The following LAMA3 variants were observed in gnomAD, a reference collection of about 807,000 sequenced individuals.
LAMA3 encodes the protein laminin subunit alpha-3.
In LAMA3, 281 loss-of-function variants were observed where a neutral mutation model predicts 402.0. The ratio of observed to expected loss-of-function variants is 0.70; its 90% confidence interval spans 0.63 to 0.77. LAMA3 has a LOEUF of 0.77. LAMA3 is among the 30% of genes least tolerant of loss of function. The pLI, the probability that LAMA3 is intolerant of heterozygous loss-of-function variation, is 0.00. For missense variants in LAMA3, 3,840 were observed against 4,215.5 expected, an observed-to-expected ratio of 0.91 and a Z score of 2.47; for synonymous variants, 1,431 against 1,558.4, an observed-to-expected ratio of 0.92 and a Z score of 1.93.
At chr18:23,721,020 T>C (rs2061202855) in intron 2 of LAMA3, among the ~76,000 whole-genome samples, 1 of 151,992 alleles carries the variant, frequency 6.6e-6, no homozygotes, top group Non-Finnish European at 1.5e-5. Flanking sequence ...TAGCCAGGCA[T>C]GGTGGCACAC....
intron 12 of LAMA3, among the ~76,000 whole-genome samples, chr18:23,809,400 C>G (rs1435091324): frequency 1.3e-5 from 2 of 152,222 alleles, no homozygotes; most frequent in African/African-American, 4.8e-5. Context: ...TTCTGAACTT[C>G]ACCATGTAAT....
chr18:23,861,838 T>A, intron 35 of LAMA3, 31 bp downstream of exon 35: 4 of 1,591,632 alleles, frequency 2.5e-6, no homozygotes, highest in Non-Finnish European at 3.4e-6. Flanking sequence ...TTCTGGGCCC[T>A]CAGTGGGCCT....
At position 23,858,253 on chromosome 18, in the gene LAMA3, T is replaced by C. The variant is rs569274151; in HGVS notation, c.4281+265T>C. On this transcript the variant is annotated intron_variant, in intron 33 of 74. Coordinates refer to ENST00000313654, the MANE Select transcript of LAMA3 (RefSeq NM_198129.4). ...CCAGAAAAATCAGCACAAACTTTTA[T>C]CTACAGTTTCATGAGGTTCATAGGT... is the stretch of plus-strand genomic sequence containing the variant. Among the ~76,000 whole-genome samples the C allele has an allele frequency of 1.3e-5, 2 of 152,312 alleles. 1 individual carries two copies. The highest frequency in any genetic ancestry group is 3.9e-4 in the East Asian group (2 of 5,188).
intron 8 of LAMA3, among the ~76,000 whole-genome samples, chr18:23,764,915 T>C (rs2062045034): frequency 6.6e-6 from 1 of 152,206 alleles, no homozygotes; most frequent in African/African-American, 2.4e-5. Flanking sequence ...CAATTGATTG[T>C]CTTTTCTCTT....
At chr18:23,709,812 G>T in intron 1 of LAMA3, 1 of 653,350 alleles carries the variant, frequency 1.5e-6, no homozygotes, top group Non-Finnish European at 2.9e-6. Context: ...TAGCCAGCCA[G>T]ACTCAGTTTA....
chr18:23,860,261 C>CTTT (rs59852195), intron 34 of LAMA3, among the ~76,000 whole-genome samples: 42 of 112,646 alleles, frequency 3.7e-4, no homozygotes, highest in Non-Finnish European at 4.7e-4. Context: ...CTTTTCTTTT[C>CTTT]TTTTTTTTTT....
At chr18:23,896,260 C>T (rs1300729759) in intron 44 of LAMA3, among the ~76,000 whole-genome samples, 2 of 152,106 alleles carry the variant, frequency 1.3e-5, no homozygotes, top group African/African-American at 2.4e-5. Flanking sequence ...CACTTGAACC[C>T]CAGAGGCAGA....
In LAMA3 at chr18:23,909,188, C is replaced by T. The variant is rs776467789; in HGVS notation, c.7051C>T (p.Arg2351Cys). ...KLTNKLPDLW[R>C]KIESINQQLL... ...AACCAACAAACTACCTGATCTTTGG[C>T]GCAAGATTGAAAGTATCAACCAACA... Residue 2351 changes from arginine to cysteine, a missense_variant, in exon 55 of 75, where the codon CGC (arginine) becomes TGC (cysteine). By Grantham distance (180) the Arg-to-Cys change is radical. Around this residue, in one of 3 missense-constraint regions of LAMA3, gnomAD observed 891 missense variants for 857.5 expected, o/e 1.04. Transcript: ENST00000313654. 1.6e-5 allele frequency: 26 copies of T among 1,613,782 alleles called. No individual in the cohort carries two copies. The highest frequency in any genetic ancestry group is 1.0e-4 in the Admixed American group (6 of 59,992).
rs569928993 is a variant in LAMA3 at position 23,763,750 on chromosome 18, G to A, written c.1182+227G>A. On this transcript the variant is annotated intron_variant, in intron 8 of 74. Transcript: ENST00000313654. ...CCCACACCCCTTTGATCAGTTTCTC[G>A]ATTTAAATTTTGCCTAAATGGAGAG... 2.6e-4 allele frequency among the ~76,000 whole-genome samples: 40 copies of A among 152,210 alleles called. 1 individual carries two copies. The highest frequency in any genetic ancestry group is 1.0e-3 in the South Asian group (5 of 4,810).
intron 67 of LAMA3, among the ~76,000 whole-genome samples, chr18:23,934,239 A>G (rs993784394): frequency 2.6e-5 from 4 of 152,064 alleles, no homozygotes; most frequent in South Asian, 2.1e-4. Flanking sequence ...AGCAGGTCCT[A>G]TGTTTTTCTA....
chr18:23,926,369 A>G (rs1444584232), intron 62 of LAMA3, among the ~76,000 whole-genome samples: 1 of 152,196 alleles, frequency 6.6e-6, no homozygotes, highest in African/African-American at 2.4e-5. Context: ...TCCAAGAGAT[A>G]TGTTGAAACC....
At chr18:23,923,294 C>T (rs1234084132) in intron 62 of LAMA3, among the ~76,000 whole-genome samples, 1 of 152,116 alleles carries the variant, frequency 6.6e-6, no homozygotes, top group Non-Finnish European at 1.5e-5. Flanking sequence ...AGGGCAGAGA[C>T]TGGATTAGAG....
At chr18:23,812,158 C>G (rs373897709) in intron 13 of LAMA3, among the ~76,000 whole-genome samples, 1 of 152,178 alleles carries the variant, frequency 6.6e-6, no homozygotes, top group African/African-American at 2.4e-5. Context: ...CAGGCGTGAG[C>G]CACCACTCCC....
chr18:23,702,034 C>G (rs1424637266), intron 1 of LAMA3, among the ~76,000 whole-genome samples: 2 of 151,786 alleles, frequency 1.3e-5, no homozygotes, highest in Non-Finnish European at 2.9e-5. Context: ...GAGAGAGAGA[C>G]AGAGAGAGTG....
At chr18:23,756,904 TCCCCGCTCCCCGTTCCCTGCCCCCGCC>T (rs1159640108) in intron 6 of LAMA3, among the ~76,000 whole-genome samples, 3 of 145,078 alleles carry the variant, frequency 2.1e-5, no homozygotes, top group Admixed American at 2.0e-4. Flanking sequence ...CCTCCAAGCC[TCCCCGCTCCCCGTTCCCTGCCCCCGCC>T]CCCCACTCCC....
Position 23,915,368 on chromosome 18 carries a change from A to G in LAMA3, c.7724A>G (p.Tyr2575Cys), listed in dbSNP as rs370823027. The G allele has an allele frequency of 3.7e-6, 6 of 1,613,810 alleles. No homozygotes were observed. The highest frequency in any genetic ancestry group is 5.1e-6 in the Non-Finnish European group (6 of 1,179,724). ...CTCAATGAAAATGTTCTGAGCTTGT[A>G]CAACTTCAAAAAAACATTCAATCTC... ...DDLNENVLSL[Y>C]NFKKTFNLNT... The change falls in exon 59 of 75, where the codon TAC (tyrosine) becomes TGC (cysteine). Residue 2575 changes from tyrosine to cysteine, a missense_variant. Physicochemically the swap from Tyr to Cys is radical, Grantham distance 194. Coordinates refer to ENST00000313654, the MANE Select transcript of LAMA3 (RefSeq NM_198129.4).
intron 39 of LAMA3, among the ~76,000 whole-genome samples, chr18:23,878,411 T>C (rs1276298602): frequency 1.3e-5 from 2 of 152,232 alleles, no homozygotes; most frequent in Non-Finnish European, 2.9e-5. Flanking sequence ...CTGAGCTAAG[T>C]GCTGGAGTTA....
chr18:23,775,918 G>T lies in LAMA3; in HGVS notation c.1400G>T (p.Cys467Phe). 6.2e-7 allele frequency: 1 copy of T among 1,614,100 alleles called. No homozygotes were observed. The part of the protein sequence containing the change: ...CAIGYYNFPF[C>F]LRIPIFPVST... Reference sequence around the variant, plus strand: ...ATTGGATACTACAATTTCCCATTTTGCTTGAGTAAGTACCCACTGCAGAAC... The same window carrying T: ...ATTGGATACTACAATTTCCCATTTTTCTTGAGTAAGTACCCACTGCAGAAC... Residue 467 changes from cysteine to phenylalanine, a missense_variant, in exon 10 of 75, where the codon TGC becomes TTC. Physicochemically the swap from Cys to Phe is radical, Grantham distance 205. Coordinates refer to ENST00000313654, the MANE Select transcript of LAMA3 (RefSeq NM_198129.4).
intron 32 of LAMA3, among the ~76,000 whole-genome samples, chr18:23,851,756 A>AT (rs1321227361): frequency 3.9e-5 from 6 of 152,126 alleles, no homozygotes; most frequent in Admixed American, 3.9e-4. Context: ...TTTATTGCAA[A>AT]TCGACTCAAC....
Sources: allele counts gnomAD v4.1 joint callset (sites outside exome capture counted in the v4.1 genomes callset), GRCh38; gene constraint gnomAD v4.1.1; regional missense constraint gnomAD v4.1.1; transcripts MANE v1.5; gene names NCBI Gene and HGNC (gene_info 2026-07-23, HGNC 2026-07-21).